The following INTS1 variants were observed in gnomAD, a reference collection of about 807,000 sequenced individuals.
The protein encoded by INTS1 is integrator complex subunit 1.
In INTS1, 137 loss-of-function variants were observed where a neutral mutation model predicts 241.6. The ratio of observed to expected loss-of-function variants is 0.57; its 90% confidence interval spans 0.49 to 0.65. The LOEUF (loss-of-function observed/expected upper bound fraction) is 0.65, where lower values mean the gene tolerates loss of function less well. Among genes scored for constraint, INTS1 ranks in the 30% least tolerant of loss-of-function variants. INTS1 has a pLI of 0.00. For missense variants in INTS1, 3,073 were observed against 3,032.2 expected, an observed-to-expected ratio of 1.01 and a Z score of -0.32; for synonymous variants, 1,692 against 1,337.8, an observed-to-expected ratio of 1.26 and a Z score of -5.78.
intron 29 of INTS1, 112 bp from the exon 30 acceptor site, chr7:1,480,553 G>C: frequency 8.0e-7 from 1 of 1,254,524 alleles, no homozygotes; most frequent in Non-Finnish European, 1.1e-6. Flanking sequence ...CCAGGAGGAA[G>C]AGCTCAGACC....
chr7:1,480,483 A>G, intron 29 of INTS1, 42 bp from the exon 30 acceptor site: 1 of 1,594,598 alleles, frequency 6.3e-7, no homozygotes, highest in Admixed American at 1.7e-5. Flanking sequence ...ACACTTTCTG[A>G]CCTGCTTCCA....
intron 22 of INTS1, 45 bp downstream of exon 22, chr7:1,486,580 T>G (rs1176831047): frequency 2.5e-6 from 4 of 1,581,000 alleles, no homozygotes; most frequent in Non-Finnish European, 3.4e-6. Context: ...CCTACTCATT[T>G]TAAACATGAA....
intron 30 of INTS1, among the ~76,000 whole-genome samples, chr7:1,479,981 C>T (rs908729174): frequency 6.6e-6 from 1 of 152,266 alleles, no homozygotes; most frequent in East Asian, 1.9e-4. Flanking sequence ...TCCCCGGCTC[C>T]AACAGCCAGA....
At chr7:1,503,361 C>T (rs779328463) in intron 2 of INTS1, among the ~76,000 whole-genome samples, 170 bp from the exon 3 acceptor site, 6 of 152,218 alleles carry the variant, frequency 3.9e-5, no homozygotes, top group East Asian at 1.9e-4. Flanking sequence ...CAGCAGGATA[C>T]GCACAGGTGA....
rs928963677 is a variant in INTS1, at chr7:1,499,190, G to A, written c.951-29C>T. On this transcript the variant is annotated intron_variant, in intron 7 of 47. Transcript: ENST00000404767. ...GGCCAGAGGAGGGAGCGAGGAGGGAGGAAGGTGGCCCCGAGGCGCCCGCCC... is the reference window on the plus strand; with the variant it reads ...GGCCAGAGGAGGGAGCGAGGAGGGAAGAAGGTGGCCCCGAGGCGCCCGCCC... The A allele has an allele frequency of 2.5e-6, 4 of 1,605,444 alleles. No individual in the cohort carries two copies. The African/African-American group carries it at 5.4e-5, about 21-fold the overall frequency.
Position 1,476,458 on chromosome 7 carries a change from G to GT in INTS1, c.5152-4dup. The GT allele has an allele frequency of 1.9e-6, 3 of 1,545,930 alleles. No individual in the cohort carries two copies. The highest frequency in any genetic ancestry group is 1.8e-5 in the Admixed American group (1 of 54,400). ...AGCACCAGCTCCTCCCGCCGCTTCT[G>GT]TAACGGGTGCCTGCATCAGCCCCGG... On this transcript the variant is annotated splice_polypyrimidine_tract_variant and splice_region_variant and intron_variant, in intron 37 of 47. Coordinates refer to ENST00000404767, the MANE Select transcript of INTS1 (RefSeq NM_001080453.3).
At chr7:1,484,601 C>T (rs1782157884) in intron 24 of INTS1, among the ~76,000 whole-genome samples, 1 of 152,206 alleles carries the variant, frequency 6.6e-6, no homozygotes, top group Admixed American at 6.5e-5. Context: ...CACATGTGAG[C>T]TAGAGATGCT....
chr7:1,501,599 G>A (rs1429179326), intron 3 of INTS1, among the ~76,000 whole-genome samples: 6 of 152,162 alleles, frequency 3.9e-5, no homozygotes, highest in Non-Finnish European at 7.4e-5. Context: ...TTCTACAGGA[G>A]GTAGTGCTAA....
intron 12 of INTS1, 87 bp from the exon 13 acceptor site, chr7:1,495,640 C>T (rs1473693461): frequency 6.6e-7 from 1 of 1,505,942 alleles, no homozygotes; most frequent in Non-Finnish European, 8.9e-7. Context: ...TCAATGCTGG[C>T]ACTTGGGAGG....
Position 1,499,444 on chromosome 7 carries a change from C to T in INTS1, c.844+29G>A, listed in dbSNP as rs572299774. 34 of 1,574,798 alleles carry T rather than the reference C, an allele frequency of 2.2e-5. No homozygotes were observed. In the Admixed American group the frequency reaches 4.0e-4, roughly 19 times the overall value. ...TCCCCTGCCCTGGGGCTTGGACACC[C>T]GCCCTCTCTGGCTGGCCGTGTGTCT... On this transcript the variant is annotated intron_variant, in intron 6 of 47. Transcript: ENST00000404767.
In INTS1 at chr7:1,497,644, G is replaced by T. The variant is rs564658727; in HGVS notation, c.1426-330C>A. On this transcript the variant is annotated intron_variant, in intron 10 of 47. Transcript: ENST00000404767. The surrounding 1 kb of genome is among the most constrained non-coding windows in gnomAD (Gnocchi z 5.3). Reference sequence around the variant, plus strand: ...CATCTCAGCCCACCCGTGCGCCACGGGCTGAACGGAAACCAAAGGCCACCA... The same window carrying T: ...CATCTCAGCCCACCCGTGCGCCACGTGCTGAACGGAAACCAAAGGCCACCA... Among the ~76,000 whole-genome samples, 1 of 152,206 alleles carries T rather than the reference G, an allele frequency of 6.6e-6. No individual in the cohort carries two copies. Among genetic ancestry groups the T allele is most frequent in the Non-Finnish European group, 1.5e-5 (1 of 68,040 alleles).
rs1362437289 is a variant in INTS1 at position 1,493,070 on chromosome 7, A to G, written c.2105T>C (p.Ile702Thr). The stretch of plus-strand genomic sequence containing the variant: ...GGTGCACAGATTCAGAACGGCGTCG[A>G]TCAGCTGGGTCCTCCCCACCTTCAG... ...EVLKVGRTQL[I>T]DAVLNLCTYH... The change falls in exon 16 of 48, where the codon ATC becomes ACC. Residue 702 changes from isoleucine to threonine, a missense_variant. By Grantham distance (89) the Ile-to-Thr change is moderately conservative. Transcript: ENST00000404767. The surrounding 1 kb of genome is among the most constrained non-coding windows in gnomAD (Gnocchi z 5.3). The G allele has an allele frequency of 6.2e-7, 1 of 1,613,642 alleles. No individual in the cohort carries two copies. Among genetic ancestry groups the G allele is most frequent in the Admixed American group, 1.7e-5 (1 of 60,016 alleles).
At chr7:1,495,650 G>A in intron 12 of INTS1, 97 bp from the exon 13 acceptor site, 2 of 1,477,864 alleles carry the variant, frequency 1.4e-6, no homozygotes, top group Non-Finnish European at 9.1e-7. Context: ...CACTTGGGAG[G>A]GGGTAACTCA....
chr7:1,503,886 C>A lies in INTS1; in HGVS notation c.58+17G>T. ...CCCCAAAGACCCCCGGGCTGCAGAG[C>A]GAGGAGGGAGACGCACCTGAGGGTT... On this transcript the variant is annotated intron_variant, in intron 2 of 47. Coordinates refer to ENST00000404767, the MANE Select transcript of INTS1 (RefSeq NM_001080453.3). 7.2e-7 allele frequency: 1 copy of A among 1,381,786 alleles called. No individual in the cohort carries two copies. The highest frequency in any genetic ancestry group is 1.8e-5 in the African/African-American group (1 of 54,974). The allele number at this position is 1,381,786 out of a possible 1,614,324, so 85.6% of individuals were successfully genotyped here.
rs1273752489 is a variant in INTS1, at chr7:1,470,289, C to T, written c.*288G>A. 5.0e-6 allele frequency: 2 copies of T among 400,856 alleles called. No individual in the cohort carries two copies. The highest frequency in any genetic ancestry group is 8.9e-6 in the Non-Finnish European group (2 of 223,800). The allele number at this position is 400,856 out of a possible 1,614,324, so 24.8% of individuals were successfully genotyped here. A position where few individuals can be genotyped will look rare whatever the true frequency, so the allele number is the denominator to read the frequency against. On this transcript the variant is annotated 3_prime_UTR_variant, in exon 48 of 48. Coordinates refer to ENST00000404767, the MANE Select transcript of INTS1 (RefSeq NM_001080453.3). The stretch of plus-strand genomic sequence containing the variant: ...CAGAGAGCACACAGACAGTTCAGGT[C>T]GTTTCATTCAAAACCAGCCCAGGCC...
intron 40 of INTS1, 117 bp downstream of exon 40, chr7:1,474,588 G>T: frequency 7.2e-7 from 1 of 1,386,346 alleles, no homozygotes; most frequent in South Asian, 1.4e-5. Flanking sequence ...CTCAGCCCAT[G>T]GGAACATGCT....
intron 10 of INTS1, 146 bp downstream of exon 10, chr7:1,498,266 G>T: frequency 7.9e-7 from 1 of 1,267,112 alleles, no homozygotes; most frequent in Non-Finnish European, 1.1e-6. Flanking sequence ...ATGCCCACGT[G>T]AGTTTCAAAA....
rs1781861380 is a variant in INTS1, at chr7:1,478,879, C to T, written c.4336G>A (p.Val1446Met). ...LRQLCQYQRC[V>M]PQDTGFSSLF... is the part of the protein sequence containing the mutation. ...GAGGAGAAGCCGGTGTCCTGTGGCA[C>T]ACAGCGCTGCGGGGACAAAGTGGCA... Residue 1446 changes from valine to methionine, a missense_variant, in exon 32 of 48, where the codon GTG (valine) becomes ATG (methionine). Transcript: ENST00000404767. 1.2e-6 allele frequency: 2 copies of T among 1,606,428 alleles called. No homozygotes were observed. The highest frequency in any genetic ancestry group is 1.7e-6 in the Non-Finnish European group (2 of 1,175,484).
At position 1,475,959 on chromosome 7, in the gene INTS1, T is replaced by C; in HGVS notation, c.5491A>G (p.Ser1831Gly). 6.5e-7 allele frequency: 1 copy of C among 1,540,768 alleles called. No individual in the cohort carries two copies. Among genetic ancestry groups the C allele is most frequent in the Non-Finnish European group, 8.7e-7 (1 of 1,144,986 alleles). Residue 1831 changes from serine (S) to glycine (G), a missense_variant, in exon 39 of 48, where the codon AGC becomes GGC. Transcript: ENST00000404767. ...AGTTGCGCCCTCACCTTGCAGACGC[T>C]GCTGCTGGCAGCCCCTTCGCTGTGC... Reference protein sequence around the residue: ...LLHSEGAASSSVCKLDGLIHR... With the variant: ...LLHSEGAASSGVCKLDGLIHR...
Sources: allele counts gnomAD v4.1 joint callset (sites outside exome capture counted in the v4.1 genomes callset), GRCh38; gene constraint gnomAD v4.1.1; non-coding constraint Gnocchi (gnomAD v3.1); transcripts MANE v1.5; gene names NCBI Gene and HGNC (gene_info 2026-07-23, HGNC 2026-07-21).